Variants in NAV2 observed in about 807,000 individuals in gnomAD.
The protein encoded by NAV2 is neuron navigator 2, also known as helicase, APC down-regulated 1.
In NAV2, 54 loss-of-function variants were observed where a neutral mutation model predicts 223.2. The observed-to-expected ratio is 0.24, with a 90% CI of 0.19 to 0.30. NAV2 has a LOEUF of 0.30. Among genes scored for constraint, NAV2 ranks in the 10% least tolerant of loss-of-function variants. The probability of loss-of-function intolerance (pLI) is 1.00; values close to 1 mark genes in which losing one functional copy is unlikely to be tolerated. For missense variants in NAV2, 2,806 were observed against 3,147.5 expected, an observed-to-expected ratio of 0.89 and a Z score of 2.60; for synonymous variants, 1,279 against 1,239.3, an observed-to-expected ratio of 1.03 and a Z score of -0.67.
At chr11:19,609,841 G>T (rs1440142310) in intron 1 of NAV2, among the ~76,000 whole-genome samples, 4 of 152,206 alleles carry the variant, frequency 2.6e-5, no homozygotes, top group Admixed American at 2.0e-4. Context: ...GGTCCATATT[G>T]GCTCTAGTGC....
chr11:19,509,485 A>T (rs2043212228), intron 1 of NAV2, among the ~76,000 whole-genome samples: 1 of 152,214 alleles, frequency 6.6e-6, no homozygotes, highest in Non-Finnish European at 1.5e-5. Context: ...TGCATTCCAT[A>T]GAAAGGATTA....
intron 1 of NAV2, among the ~76,000 whole-genome samples, chr11:19,756,908 A>G (rs1157818872): frequency 3.9e-5 from 6 of 152,100 alleles, no homozygotes; most frequent in Admixed American, 2.0e-4. Context: ...GTACAGAGAG[A>G]GCTGCCAAGG....
chr11:20,013,315 C>T (rs2053726865), intron 11 of NAV2, among the ~76,000 whole-genome samples: 1 of 152,178 alleles, frequency 6.6e-6, no homozygotes, highest in Admixed American at 6.5e-5. Flanking sequence ...TTCTGTGTGC[C>T]AGTCACTCTA....
intron 1 of NAV2, among the ~76,000 whole-genome samples, chr11:19,552,414 C>T (rs1327801420): frequency 6.6e-6 from 1 of 152,144 alleles, no homozygotes; most frequent in Non-Finnish European, 1.5e-5. Context: ...GGGGTTGTTC[C>T]ATCGGGGCTC....
chr11:19,927,178 C>G (rs975322718), intron 6 of NAV2, among the ~76,000 whole-genome samples: 2 of 152,176 alleles, frequency 1.3e-5, no homozygotes, highest in African/African-American at 4.8e-5. Flanking sequence ...TCAAATGAAA[C>G]TTTTCCTTCT....
chr11:19,859,944 C>T (rs2061617345), intron 3 of NAV2, among the ~76,000 whole-genome samples: 1 of 128,390 alleles, frequency 7.8e-6, no homozygotes, highest in Admixed American at 7.5e-5. Context: ...TAGGGGCGGC[C>T]GGGCAGAGGT....
intron 6 of NAV2, among the ~76,000 whole-genome samples, chr11:19,931,555 A>T (rs139207091): frequency 1.7e-3 from 251 of 145,680 alleles, no homozygotes; most frequent in African/African-American, 5.7e-3. Flanking sequence ...CTCTATATAC[A>T]GTTTACTCTG....
At chr11:19,434,165 G>A (rs1056624333) in intron 1 of NAV2, among the ~76,000 whole-genome samples, 1 of 151,770 alleles carries the variant, frequency 6.6e-6, no homozygotes, top group African/African-American at 2.4e-5. Flanking sequence ...TCTGTTATAA[G>A]AAACAGAAGA....
At chr11:19,623,763 C>T (rs528108006) in intron 1 of NAV2, among the ~76,000 whole-genome samples, 6 of 152,340 alleles carry the variant, frequency 3.9e-5, no homozygotes, top group South Asian at 4.1e-4. Context: ...CTTCTCTCAA[C>T]TCGTCAAAGT....
chr11:19,558,502 A>G (rs2044980674), intron 1 of NAV2, among the ~76,000 whole-genome samples: 1 of 152,228 alleles, frequency 6.6e-6, no homozygotes, highest in African/African-American at 2.4e-5. Context: ...GAGCCAACAA[A>G]CAAGACATGG....
At chr11:19,893,512 C>G (rs1169298513) in intron 6 of NAV2, among the ~76,000 whole-genome samples, 1 of 152,166 alleles carries the variant, frequency 6.6e-6, no homozygotes, top group African/African-American at 2.4e-5. Context: ...ACATGGGCAG[C>G]CCTCCTACTG....
intron 1 of NAV2, among the ~76,000 whole-genome samples, chr11:19,812,926 TGAGCTTGGCAG>T (rs2058908618): frequency 6.6e-6 from 1 of 152,184 alleles, no homozygotes; most frequent in African/African-American, 2.4e-5. Context: ...CCCCTATCTC[TGAGCTTGGCAG>T]GAGGCAAGGC....
chr11:19,912,679 C>T (rs2153222749), intron 6 of NAV2, among the ~76,000 whole-genome samples: 1 of 152,330 alleles, frequency 6.6e-6, no homozygotes, highest in Admixed American at 6.5e-5. Flanking sequence ...TCTTCTAACC[C>T]TGGTGTAAAT....
intron 10 of NAV2, among the ~76,000 whole-genome samples, chr11:19,956,974 A>C (rs183718907): frequency 2.0e-5 from 3 of 152,192 alleles, no homozygotes; most frequent in African/African-American, 7.2e-5. Flanking sequence ...GGGGTTTGCT[A>C]TGAATAACAA....
At chr11:19,604,250 T>C (rs1160743730) in intron 1 of NAV2, among the ~76,000 whole-genome samples, 1 of 151,318 alleles carries the variant, frequency 6.6e-6, no homozygotes, top group African/African-American at 2.4e-5. Flanking sequence ...GAGGTGAGGG[T>C]AGGAGGAGGC....
intron 1 of NAV2, among the ~76,000 whole-genome samples, chr11:19,784,912 C>G (rs1333730825): frequency 6.6e-6 from 1 of 152,122 alleles, no homozygotes; most frequent in Non-Finnish European, 1.5e-5. Flanking sequence ...AGATCGAGAG[C>G]AAGAATCACT....
At chr11:20,006,485 A>T (rs1039455389) in intron 11 of NAV2, among the ~76,000 whole-genome samples, 7 of 151,996 alleles carry the variant, frequency 4.6e-5, no homozygotes, top group African/African-American at 1.7e-4. Flanking sequence ...GACCATCCTG[A>T]CCAACATGGT....
At chr11:19,592,666 C>A (rs993508925) in intron 1 of NAV2, among the ~76,000 whole-genome samples, 3 of 152,004 alleles carry the variant, frequency 2.0e-5, no homozygotes, top group East Asian at 1.9e-4. Flanking sequence ...CTATTCCCAC[C>A]TGTAAAATAG....
At chr11:19,602,533 G>A (rs1481118727) in intron 1 of NAV2, among the ~76,000 whole-genome samples, 1 of 152,158 alleles carries the variant, frequency 6.6e-6, no homozygotes, top group Non-Finnish European at 1.5e-5. Context: ...GCCATAACAA[G>A]TTACCACAAA....
Sources: gnomAD v4.1 joint callset for allele counts (sites outside exome capture counted in the v4.1 genomes callset) on GRCh38, gnomAD v4.1.1 for gene constraint, MANE v1.5 for transcripts, NCBI Gene and HGNC (gene_info 2026-07-23, HGNC 2026-07-21) for gene names.